The following PALM2AKAP2 variants were observed in gnomAD, a reference collection of about 807,000 sequenced individuals.
PALM2AKAP2 encodes the protein PALM2-AKAP2 fusion protein.
PALM2AKAP2 carries 37 observed loss-of-function variants against 71.5 expected under a neutral mutation model. The ratio of observed to expected loss-of-function variants is 0.52; its 90% CI spans 0.40 to 0.68. The LOEUF (loss-of-function observed/expected upper bound fraction) is 0.68. PALM2AKAP2 is among the 30% of genes least tolerant of loss of function. The pLI is 0.00. For missense variants in PALM2AKAP2, 1,224 were observed against 1,191.8 expected, an observed-to-expected ratio of 1.03 and a Z score of -0.40; for synonymous variants, 468 against 478.8, an observed-to-expected ratio of 0.98 and a Z score of 0.29.
chr9:109,932,949 C>T (rs150974169), intron 6 of PALM2AKAP2, among the ~76,000 whole-genome samples: 1 of 152,164 alleles, frequency 6.6e-6, no homozygotes, highest in Non-Finnish European at 1.5e-5. Flanking sequence ...TATAGGCCAA[C>T]CTGAATATTT....
intron 1 of PALM2AKAP2, among the ~76,000 whole-genome samples, chr9:109,666,174 C>T (rs183991101): frequency 8.5e-4 from 129 of 152,342 alleles, no homozygotes; most frequent in African/African-American, 3.0e-3. Flanking sequence ...CCTGCTTCGG[C>T]TCACCCTCTG....
At chr9:109,671,460 A>G (rs1017237327) in intron 1 of PALM2AKAP2, among the ~76,000 whole-genome samples, 4 of 152,048 alleles carry the variant, frequency 2.6e-5, no homozygotes, top group African/African-American at 9.7e-5. Context: ...CCATTGGTCT[A>G]TGTGTCTGTT....
At chr9:109,675,188 A>T (rs1276860614) in intron 1 of PALM2AKAP2, among the ~76,000 whole-genome samples, 1 of 152,132 alleles carries the variant, frequency 6.6e-6, no homozygotes, top group African/African-American at 2.4e-5. Flanking sequence ...TGGAACTCTG[A>T]TGTAAGTAAA....
intron 6 of PALM2AKAP2, among the ~76,000 whole-genome samples, chr9:110,015,471 G>C (rs1008717160): frequency 1.3e-5 from 2 of 152,090 alleles, no homozygotes; most frequent in African/African-American, 2.4e-5. Context: ...GTGGTGGCGG[G>C]TGCCTGTAAT....
At chr9:110,100,868 C>T (rs1834980830) in intron 1 of PALM2AKAP2, among the ~76,000 whole-genome samples, 2 of 152,250 alleles carry the variant, frequency 1.3e-5, no homozygotes, top group African/African-American at 4.8e-5. Context: ...CTTGAAGATT[C>T]TGGTCTGTGG....
intron 1 of PALM2AKAP2, chr9:110,127,673 C>T (rs977004941): frequency 1.3e-5 from 2 of 152,296 alleles, no homozygotes; most frequent in African/African-American, 4.8e-5. Flanking sequence ...CACTCGGAGT[C>T]CCAGCTCCTT....
chr9:109,985,798 C>T (rs1377200711), intron 6 of PALM2AKAP2, among the ~76,000 whole-genome samples: 2 of 151,938 alleles, frequency 1.3e-5, no homozygotes, highest in Admixed American at 6.5e-5. Flanking sequence ...TACAGGCATG[C>T]ACCACCATGC....
At chr9:110,137,573 G>A (rs534430349) in exon 2 of PALM2AKAP2, 2 of 1,614,198 alleles carry the variant, frequency 1.2e-6, no homozygotes, top group Non-Finnish European at 1.7e-6. Context: ...TGTCCTCACT[G>A]TGGTCAAGGA....
At chr9:110,138,851 G>A (rs1355844991) in intron 2 of PALM2AKAP2, among the ~76,000 whole-genome samples, 1 of 152,208 alleles carries the variant, frequency 6.6e-6, no homozygotes, top group Non-Finnish European at 1.5e-5. Flanking sequence ...CCTCTTGTCT[G>A]AAGGAGAGGC....
intron 1 of PALM2AKAP2, among the ~76,000 whole-genome samples, chr9:109,710,221 T>C (rs538605655): frequency 2.0e-4 from 31 of 152,356 alleles, no homozygotes; most frequent in African/African-American, 6.7e-4. Context: ...GATAAATTTC[T>C]GTTGTTTTTG....
intron 6 of PALM2AKAP2, among the ~76,000 whole-genome samples, chr9:109,951,908 C>T (rs942219086): frequency 2.0e-5 from 3 of 152,210 alleles, no homozygotes; most frequent in Admixed American, 2.0e-4. Context: ...TCCTTGCAAG[C>T]TCCCAGCAGC....
At chr9:109,925,146 T>C (rs1016110502) in intron 5 of PALM2AKAP2, 64 bp downstream of exon 5, 1 of 1,607,000 alleles carries the variant, frequency 6.2e-7, no homozygotes, top group Non-Finnish European at 8.5e-7. Flanking sequence ...GGGGGTTTCA[T>C]TAACAGGGGC....
chr9:109,975,851 G>A (rs1832163184), intron 6 of PALM2AKAP2, among the ~76,000 whole-genome samples: 1 of 152,166 alleles, frequency 6.6e-6, no homozygotes, highest in Admixed American at 6.5e-5. Flanking sequence ...GGAACCACGG[G>A]GCCTGTGCAT....
chr9:110,016,128 C>A, intron 7 of PALM2AKAP2, 89 bp downstream of exon 7: 1 of 1,233,710 alleles, frequency 8.1e-7, no homozygotes, highest in Non-Finnish European at 1.2e-6. Context: ...AAAATGAACA[C>A]TACCAATCCA....
chr9:109,722,445 G>A (rs1587882305), intron 1 of PALM2AKAP2, among the ~76,000 whole-genome samples: 1 of 152,116 alleles, frequency 6.6e-6, no homozygotes, highest in South Asian at 2.1e-4. Context: ...GGGGACTTTT[G>A]ATTTTTGAGC....
At chr9:110,169,368 T>C (rs891852097) in exon 4 of PALM2AKAP2, 5 of 152,200 alleles carry the variant, frequency 3.3e-5, no homozygotes, top group African/African-American at 1.2e-4. Flanking sequence ...CTGTACGCGT[T>C]GAACAACTTG....
At chr9:109,862,798 T>G in intron 1 of PALM2AKAP2, 1 of 459,718 alleles carries the variant, frequency 2.2e-6, no homozygotes, top group Admixed American at 2.3e-5. Flanking sequence ...TGTGCCATCA[T>G]AGATGAATTG....
chr9:109,759,063 T>C (rs549725683), intron 1 of PALM2AKAP2, among the ~76,000 whole-genome samples: 1 of 152,260 alleles, frequency 6.6e-6, no homozygotes, highest in Non-Finnish European at 1.5e-5. Flanking sequence ...TACTAATTAA[T>C]AGAAAGAGAA....
chr9:109,700,255 G>C (rs570327991), intron 1 of PALM2AKAP2, among the ~76,000 whole-genome samples: 10 of 152,206 alleles, frequency 6.6e-5, no homozygotes, highest in African/African-American at 2.4e-4. Flanking sequence ...TGAATCATGG[G>C]GGTGGGTTTT....
Sources: allele counts gnomAD v4.1 joint callset (sites outside exome capture counted in the v4.1 genomes callset), GRCh38; gene constraint gnomAD v4.1.1; transcripts MANE v1.5; gene names NCBI Gene and HGNC (gene_info 2026-07-23, HGNC 2026-07-21).